Variants in RPL10 observed in about 807,000 individuals in gnomAD.
RPL10 encodes large ribosomal subunit protein uL16.
A neutral mutation model predicts 15.7 loss-of-function variants in RPL10; 1 was observed. The observed-to-expected ratio is 0.06, with a 90% CI of 0.02 to 0.30. The LOEUF is 0.30. Among genes scored for constraint, RPL10 ranks in the 10% least tolerant of loss-of-function variants. The pLI, the probability that RPL10 is intolerant of heterozygous loss-of-function variation, is 1.00. For synonymous variants in RPL10, 59 were observed against 64.0 expected, an observed-to-expected ratio of 0.92 and a Z score of 0.37; for missense variants, 54 against 183.4, an observed-to-expected ratio of 0.29 and a Z score of 4.08.
rs370739749 is a variant in RPL10, at chrX:154,399,620, C to T, written c.190+26C>T. ...GTAAGGCAGGATTCTTTGTTCGTCA[C>T]CCCCCAGTCCTTCCTCCGTGCTCCC... On this transcript the variant is annotated intron_variant, in intron 4 of 6. Coordinates refer to ENST00000369817, the MANE Select transcript of RPL10 (RefSeq NM_006013.5). 34 of 1,181,045 alleles carry T rather than the reference C, an allele frequency of 2.9e-5. No homozygotes were observed. The Admixed American group carries it at 4.8e-4, about 17-fold the overall frequency.
In RPL10 at chrX:154,400,942, G is replaced by C; in HGVS notation, c.*88G>C. 1 of 1,194,465 alleles carries C rather than the reference G, an allele frequency of 8.4e-7. No individual in the cohort carries two copies. Among genetic ancestry groups the C allele is most frequent in the African/African-American group, 1.8e-5 (1 of 56,658 alleles). On this transcript the variant is annotated 3_prime_UTR_variant, in exon 7 of 7. Coordinates refer to ENST00000369817, the MANE Select transcript of RPL10 (RefSeq NM_006013.5). Reference sequence around the variant, plus strand: ...ATGTCTTTGTATCTACATTCTTGACGGGGAAGGAACTTCCTCTGGGAACCT... The same window carrying C: ...ATGTCTTTGTATCTACATTCTTGACCGGGAAGGAACTTCCTCTGGGAACCT...
Position 154,400,500 on chromosome X carries a change from C to T in RPL10, c.366C>T (p.Pro122=), listed in dbSNP as rs1388415693. Residue 122 remains proline, a synonymous_variant, in exon 6 of 7, where the codon CCC becomes CCT. Coordinates refer to ENST00000369817, the MANE Select transcript of RPL10 (RefSeq NM_006013.5). ...GCATGCGAGGTGCCTTTGGAAAGCC[C>T]CAGGGCACTGTGGCCAGGGTTCACA... ...QTGMRGAFGK[P]QGTVARVHIG... 8.3e-7 allele frequency: 1 copy of T among 1,204,940 alleles called. No homozygotes were observed. The highest frequency in any genetic ancestry group is 1.7e-5 in the African/African-American group (1 of 57,698).
chrX:154,400,427 A>C (rs183930066), intron 5 of RPL10, 37 bp from the exon 6 acceptor site: 63 of 1,193,080 alleles, frequency 5.3e-5, no homozygotes, highest in Non-Finnish European at 6.8e-5. Context: ...TTTCAGGTGG[A>C]TGTTCATGTT....
Position 154,401,579 on chromosome X carries a change from G to A in RPL10, c.*725G>A, listed in dbSNP as rs1300018095. On this transcript the variant is annotated 3_prime_UTR_variant, in exon 7 of 7. Coordinates refer to ENST00000369817, the MANE Select transcript of RPL10 (RefSeq NM_006013.5). ...ACCTGAACTATTGTAGAACAGCGCT[G>A]GCTTTTGGGGGAGCAGCAAAAATGA... 8.9e-6 allele frequency: 1 copy of A among 112,670 alleles called. No individual in the cohort carries two copies. Among genetic ancestry groups the A allele is most frequent in the African/African-American group, 3.3e-5 (1 of 30,583 alleles). The allele number at this position is 112,670 out of a possible 1,213,427, so 9.3% of individuals were successfully genotyped here.
In RPL10 at chrX:154,399,303, C is replaced by T. The variant is rs782201969; in HGVS notation, c.24-35C>T. The T allele has an allele frequency of 3.0e-5, 36 of 1,198,970 alleles. No homozygotes were observed. In the East Asian group the frequency reaches 1.0e-3, roughly 34 times the overall value. On this transcript the variant is annotated intron_variant, in intron 2 of 6. Coordinates refer to ENST00000369817, the MANE Select transcript of RPL10 (RefSeq NM_006013.5). ...AAGTGCCTGTTGGGCTTTCTGTGAA[C>T]CTCACCTAACCTGTGTTTTTTCACT...
In RPL10 at chrX:154,398,829, G is replaced by T. The variant is rs1292898383; in HGVS notation, c.23+287G>T. The T allele has an allele frequency of 9.7e-6, 4 of 414,417 alleles. No individual in the cohort carries two copies. In the African/African-American group the frequency reaches 1.0e-4, roughly 10 times the overall value. 34.2% of individuals were successfully genotyped at this position (414,417 alleles called of 1,213,427 possible). On this transcript the variant is annotated intron_variant, in intron 2 of 6. Coordinates refer to ENST00000369817, the MANE Select transcript of RPL10 (RefSeq NM_006013.5). ...AGATACGCTCTTGGGGCCTTTGTGT[G>T]CGTTCTCTGTCTTATTTCCGGGCGA...
chrX:154,401,078 C>T lies in RPL10; in HGVS notation c.*224C>T. 2 of 1,035,414 alleles carry T rather than the reference C, an allele frequency of 1.9e-6. No individual in the cohort carries two copies. Among genetic ancestry groups the T allele is most frequent in the Admixed American group, 3.0e-5 (1 of 33,754 alleles). The allele number at this position is 1,035,414 out of a possible 1,213,427, so 85.3% of individuals were successfully genotyped here. A position where few individuals can be genotyped will look rare whatever the true frequency, so the allele number is the denominator to read the frequency against. On this transcript the variant is annotated 3_prime_UTR_variant, in exon 7 of 7. Transcript: ENST00000369817. ...GGTGGCCTTATGTCAGTTGTCTACT[C>T]TGGAGCTTGACTTGGACCTCCCCAG... is the stretch of plus-strand genomic sequence containing the variant.
intron 4 of RPL10, 23 bp downstream of exon 4, chrX:154,399,617 T>C: frequency 8.4e-7 from 1 of 1,194,557 alleles, no homozygotes. Context: ...TCTTTGTTCG[T>C]CACCCCCCAG....
chrX:154,401,721 C>T lies in RPL10; in HGVS notation c.*867C>T, dbSNP rs868920804. The T allele has an allele frequency of 8.9e-5, 10 of 111,855 alleles. No individual in the cohort carries two copies. The highest frequency in any genetic ancestry group is 1.5e-4 in the Non-Finnish European group (8 of 53,070). 9.2% of individuals were successfully genotyped at this position (111,855 alleles called of 1,213,427 possible). ...CCCCCAGCCTGTGGCTCCCAAAAGGCCTCTGGTTTTTTGTAATCTCAGTTT... is the reference window on the plus strand; with the variant it reads ...CCCCCAGCCTGTGGCTCCCAAAAGGTCTCTGGTTTTTTGTAATCTCAGTTT... On this transcript the variant is annotated 3_prime_UTR_variant, in exon 7 of 7. Coordinates refer to ENST00000369817, the MANE Select transcript of RPL10 (RefSeq NM_006013.5).
At chrX:154,398,300 C>CG (rs2067951351), upstream of RPL10, 2 of 550,804 alleles carry the variant, frequency 3.6e-6, no homozygotes, top group Admixed American at 2.3e-5. Context: ...AGCGTCCACC[C>CG]GTCTTCGACA....
At chrX:154,398,202 G>C (rs1557184723), upstream of RPL10, 2 of 455,854 alleles carry the variant, frequency 4.4e-6, no homozygotes, top group African/African-American at 4.7e-5. Flanking sequence ...CCTGGTACCC[G>C]GTCACCTCTC....
rs781884788 is a variant in RPL10, at chrX:154,398,404, C to G, written c.-24+10C>G. The G allele has an allele frequency of 3.8e-5, 35 of 926,384 alleles. No homozygotes were observed. Among genetic ancestry groups the G allele is most frequent in the Non-Finnish European group, 4.7e-5 (30 of 639,348 alleles). The allele number at this position is 926,384 out of a possible 1,213,427, so 76.3% of individuals were successfully genotyped here. A position where few individuals can be genotyped will look rare whatever the true frequency, so the allele number is the denominator to read the frequency against. ...CTTTCCCTTCGGTGTGGTGAGTAAG[C>G]GCAGTTGTCGTCTCTTGCGGTGCCG... On this transcript the variant is annotated intron_variant, in intron 1 of 6. Transcript: ENST00000369817.
chrX:154,400,006 A>G, intron 5 of RPL10, 65 bp downstream of exon 5: 1 of 1,174,904 alleles, frequency 8.5e-7, no homozygotes, highest in Non-Finnish European at 1.2e-6. Context: ...GCATTATTTT[A>G]TCAGAGCATA....
chrX:154,398,668 C>G, intron 2 of RPL10, 126 bp downstream of exon 2: 1 of 804,573 alleles, frequency 1.2e-6, no homozygotes. Flanking sequence ...GGAACTGACC[C>G]TATGTTTTAC....
At chrX:154,400,256 C>T in intron 5 of RPL10, 3 of 577,351 alleles carry the variant, frequency 5.2e-6, no homozygotes, top group Non-Finnish European at 9.2e-6. Context: ...CCCAGTGGCG[C>T]CTTTTCAGTG....
chrX:154,401,826 C>A lies in RPL10; in HGVS notation c.*972C>A, dbSNP rs1469655119. The A allele has an allele frequency of 3.6e-5, 4 of 110,316 alleles. No individual in the cohort carries two copies. Among genetic ancestry groups the A allele is most frequent in the African/African-American group, 1.3e-4 (4 of 30,225 alleles). 9.1% of individuals were successfully genotyped at this position (110,316 alleles called of 1,213,427 possible). The stretch of plus-strand genomic sequence containing the variant: ...GGGAATACCTTTTATTTTTTTTTTA[C>A]CTTGGGGTGATGGTTCCAAACCATA... On this transcript the variant is annotated 3_prime_UTR_variant, in exon 7 of 7. Transcript: ENST00000369817.
chrX:154,400,390 T>G, intron 5 of RPL10, 74 bp from the exon 6 acceptor site: 1 of 1,088,450 alleles, frequency 9.2e-7, no homozygotes, highest in South Asian at 1.8e-5. Context: ...TTGTATGGGT[T>G]GCTCTAAGGG....
intron 6 of RPL10, 38 bp downstream of exon 6, chrX:154,400,664 C>T: frequency 8.3e-7 from 1 of 1,211,294 alleles, no homozygotes; most frequent in Non-Finnish European, 1.1e-6. Context: ...CACCTTTGCC[C>T]CAGGCCTCCT....
chrX:154,399,984 A>G (rs1305095209), intron 5 of RPL10, 43 bp downstream of exon 5: 15 of 1,198,748 alleles, frequency 1.3e-5, no homozygotes, highest in Non-Finnish European at 1.7e-5. Flanking sequence ...GAGTCTCTAC[A>G]TTATTAGGCT....
Sources: allele counts gnomAD v4.1 joint callset, GRCh38; gene constraint gnomAD v4.1.1; transcripts MANE v1.5; gene names NCBI Gene and HGNC (gene_info 2026-07-23, HGNC 2026-07-21).